NPTX1: variants seen among roughly 807,000 people sequenced by gnomAD.
NPTX1 encodes neuronal pentraxin-1.
NPTX1 carries 12 observed loss-of-function variants against 38.7 expected under a neutral mutation model. That is an observed-to-expected ratio of 0.31 (90% CI 0.20 to 0.50). The LOEUF (loss-of-function observed/expected upper bound fraction) is 0.50, where lower values mean the gene tolerates loss of function less well. Among genes scored for constraint, NPTX1 ranks in the 20% least tolerant of loss-of-function variants. The pLI, the probability that NPTX1 is intolerant of heterozygous loss-of-function variation, is 0.98. For missense variants in NPTX1, 454 were observed against 592.2 expected, an observed-to-expected ratio of 0.77 and a Z score of 2.42; for synonymous variants, 272 against 264.9, an observed-to-expected ratio of 1.03 and a Z score of -0.26.
intron 2 of NPTX1, chr17:80,474,288 T>C (rs1317265861): frequency 1.3e-5 from 2 of 152,188 alleles, no homozygotes; most frequent in African/African-American, 2.4e-5. Context: ...CCCATCTATA[T>C]ACTGTGGCAC....
In NPTX1 at chr17:80,476,303, G is replaced by A. The variant is rs762151679; in HGVS notation, c.144C>T (p.Ala48=). Residue 48 remains alanine (A), a synonymous_variant, in exon 1 of 5, where the codon GCC becomes GCT. Coordinates refer to ENST00000306773, the MANE Select transcript of NPTX1 (RefSeq NM_002522.4). This position sits in a 1 kb window ranked among gnomAD's most constrained non-coding sequence, Gnocchi z 6.3. Reference sequence around the variant, plus strand: ...TGCTCCGGAGCTCCTCGGCGCCGCCGGCGGCCACGGACGCGGCGCACATGT... The same window carrying A: ...TGCTCCGGAGCTCCTCGGCGCCGCCAGCGGCCACGGACGCGGCGCACATGT... ...DADMCAASVA[A]GGAEELRSSV... 2.7e-5 allele frequency: 42 copies of A among 1,555,882 alleles called. No individual in the cohort carries two copies. The Admixed American group carries it at 4.5e-4, about 17-fold the overall frequency.
In NPTX1 at chr17:80,475,588, C is replaced by A; in HGVS notation, c.575G>T (p.Arg192Met). 1 of 1,612,786 alleles carries A rather than the reference C, an allele frequency of 6.2e-7. No homozygotes were observed. Among genetic ancestry groups the A allele is most frequent in the Non-Finnish European group, 8.5e-7 (1 of 1,179,832 alleles). Residue 192 changes from arginine to methionine, a missense_variant, in exon 2 of 5, where the codon AGG (arginine) becomes ATG (methionine). Transcript: ENST00000306773. The surrounding 1 kb of genome is among the most constrained non-coding windows in gnomAD (Gnocchi z 6.5). ...NTLEEGKGGPRNDTEERVKIE... is the reference protein window; with the variant it reads ...NTLEEGKGGPMNDTEERVKIE... The stretch of plus-strand genomic sequence containing the variant: ...CTTGACCCTCTCCTCGGTGTCGTTC[C>A]TGGGGCCCCCCTTGCCCTCCTCCAG...
chr17:80,475,735 CG>C lies in NPTX1; in HGVS notation c.445-18del, dbSNP rs766721349. 7 of 1,580,744 alleles carry C rather than the reference CG, an allele frequency of 4.4e-6. No individual in the cohort carries two copies. The highest frequency in any genetic ancestry group is 2.2e-5 in the East Asian group (1 of 44,582). ...GCTGTACTGCTGCGGGGTGCAAGGG[CG>C]GGGGAAACCACACCGTTAGGCGAGG... On this transcript the variant is annotated intron_variant, in intron 1 of 4. Coordinates refer to ENST00000306773, the MANE Select transcript of NPTX1 (RefSeq NM_002522.4). The surrounding 1 kb of genome is among the most constrained non-coding windows in gnomAD (Gnocchi z 6.5).
At position 80,469,013 on chromosome 17, in the gene NPTX1, T is replaced by C. The variant is rs71389760; in HGVS notation, c.*1800A>G. The C allele has an allele frequency of 0.016, 2,371 of 152,392 alleles. 19 individuals are homozygous for C. Among genetic ancestry groups the C allele is most frequent in the Middle Eastern group, 0.027 (8 of 294 alleles). 9.4% of individuals were successfully genotyped at this position (152,392 alleles called of 1,614,324 possible). On this transcript the variant is annotated 3_prime_UTR_variant, in exon 5 of 5. Transcript: ENST00000306773. ...ACCCCCCTCTGCGGGAGTGATGCAT[T>C]GCAGAACGGCGGCCGGGTACCGTGC... is the stretch of plus-strand genomic sequence containing the variant.
rs1023314050 is a variant in NPTX1, at chr17:80,475,413, C to T, written c.652+98G>A. On this transcript the variant is annotated intron_variant, in intron 2 of 4. Transcript: ENST00000306773. The surrounding 1 kb of genome is among the most constrained non-coding windows in gnomAD (Gnocchi z 6.5). ...TTGGGGGTAGCGGAGCGGCTTGAGG[C>T]TTGCACAGTGCAGAGCTGGGCTGTT... The T allele has an allele frequency of 1.1e-5, 10 of 922,982 alleles. No homozygotes were observed. The Admixed American group carries it at 1.5e-4, about 14-fold the overall frequency. 57.2% of individuals were successfully genotyped at this position (922,982 alleles called of 1,614,324 possible).
chr17:80,470,988 T>G lies in NPTX1; in HGVS notation c.1124A>C (p.Glu375Ala). 1 of 1,612,986 alleles carries G rather than the reference T, an allele frequency of 6.2e-7. No homozygotes were observed. Among genetic ancestry groups the G allele is most frequent in the Middle Eastern group, 1.7e-4 (1 of 6,050 alleles). The change falls in exon 5 of 5, where the codon GAG becomes GCG. Residue 375 changes from glutamate (E) to alanine (A), a missense_variant. This residue lies in a region of NPTX1 where 110 missense variants were observed against 197.5 expected (regional missense o/e 0.56). Transcript: ENST00000306773. ...GFDATQAFVG[E>A]LAHFNIWDRK... ...GTCCCAGATGTTGAAGTGGGCCAGC[T>G]CACCCACAAATGCCTGGGTGGCATC...
intron 3 of NPTX1, among the ~76,000 whole-genome samples, chr17:80,472,320 C>T (rs1028850280): frequency 6.6e-6 from 1 of 151,800 alleles, no homozygotes; most frequent in Non-Finnish European, 1.5e-5. Flanking sequence ...CCTCTCTCTT[C>T]CGATGTCCCA....
Position 80,475,897 on chromosome 17 carries a change from G to A in NPTX1, c.444+106C>T, listed in dbSNP as rs2083878329. ...GAGGCACCGGCCGGGCACCCGCGCG[G>A]CTGAGGCGAGGGCGGGGGATGCCTG... On this transcript the variant is annotated intron_variant, in intron 1 of 4. Coordinates refer to ENST00000306773, the MANE Select transcript of NPTX1 (RefSeq NM_002522.4). The surrounding 1 kb of genome is among the most constrained non-coding windows in gnomAD (Gnocchi z 6.5). 1 of 1,013,902 alleles carries A rather than the reference G, an allele frequency of 9.9e-7. No individual in the cohort carries two copies. Among genetic ancestry groups the A allele is most frequent in the South Asian group, 1.8e-5 (1 of 55,922 alleles). 62.8% of individuals were successfully genotyped at this position (1,013,902 alleles called of 1,614,324 possible). A position where few individuals can be genotyped will look rare whatever the true frequency, so the allele number is the denominator to read the frequency against.
rs201679806 is a variant in NPTX1 at position 80,470,877 on chromosome 17, G to T, written c.1235C>A (p.Ser412Tyr). Residue 412 changes from serine (S) to tyrosine (Y), a missense_variant, in exon 5 of 5, where the codon TCC becomes TAC. Around this residue, in one of 4 missense-constraint regions of NPTX1, gnomAD observed 50 missense variants for 54.0 expected, o/e 0.93. Transcript: ENST00000306773. Reference protein sequence around the residue: ...LSGNVIAWAESHIEIYGGATK... With the variant: ...LSGNVIAWAEYHIEIYGGATK... ...GGCCCCTCCGTAGATCTCGATGTGG[G>T]ATTCAGCCCAGGCGATGACATTGCC... The T allele has an allele frequency of 1.5e-4, 240 of 1,611,050 alleles. No individual in the cohort carries two copies. The East Asian group carries it at 5.2e-3, about 35-fold the overall frequency.
At chr17:80,471,593 C>T in intron 4 of NPTX1, 139 bp downstream of exon 4, 1 of 1,379,070 alleles carries the variant, frequency 7.3e-7, no homozygotes. Flanking sequence ...AGGGCACAGG[C>T]CTTGCCCAGC....
At position 80,475,921 on chromosome 17, in the gene NPTX1, T is replaced by C. The variant is rs1221432378; in HGVS notation, c.444+82A>G. On this transcript the variant is annotated intron_variant, in intron 1 of 4. Transcript: ENST00000306773. The surrounding 1 kb of genome is among the most constrained non-coding windows in gnomAD (Gnocchi z 6.5). ...GGCTGAGGCGAGGGCGGGGGATGCCTGGCCGGGTAGGGAACGGGGTGGGGG... is the reference window on the plus strand; with the variant it reads ...GGCTGAGGCGAGGGCGGGGGATGCCCGGCCGGGTAGGGAACGGGGTGGGGG... The C allele has an allele frequency of 8.8e-7, 1 of 1,135,230 alleles. No homozygotes were observed. The highest frequency in any genetic ancestry group is 1.2e-6 in the Non-Finnish European group (1 of 836,794). 70.3% of individuals were successfully genotyped at this position (1,135,230 alleles called of 1,614,324 possible). A position where few individuals can be genotyped will look rare whatever the true frequency, so the allele number is the denominator to read the frequency against.
chr17:80,467,466 G>C lies in NPTX1; in HGVS notation c.*3347C>G, dbSNP rs1309100149. On this transcript the variant is annotated 3_prime_UTR_variant, in exon 5 of 5. Coordinates refer to ENST00000306773, the MANE Select transcript of NPTX1 (RefSeq NM_002522.4). ...CTTAGTAAGTCAGCTCCAAGACACA[G>C]GTTCACCATAAATGGCCAGTTTTAC... 1.3e-5 allele frequency: 2 copies of C among 152,550 alleles called. No homozygotes were observed. The highest frequency in any genetic ancestry group is 4.8e-5 in the African/African-American group (2 of 41,428). 9.4% of individuals were successfully genotyped at this position (152,550 alleles called of 1,614,324 possible).
rs371437228 is a variant in NPTX1, at chr17:80,470,792, G to A, written c.*21C>T. ...ACAAGCAGGGGGCGAGGGCGGGCGGGCTCAGCCTGGCCTGCCGTGCTCAGT... is the reference window on the plus strand; with the variant it reads ...ACAAGCAGGGGGCGAGGGCGGGCGGACTCAGCCTGGCCTGCCGTGCTCAGT... On this transcript the variant is annotated 3_prime_UTR_variant, in exon 5 of 5. Coordinates refer to ENST00000306773, the MANE Select transcript of NPTX1 (RefSeq NM_002522.4). 11 of 1,528,876 alleles carry A rather than the reference G, an allele frequency of 7.2e-6. No homozygotes were observed. The African/African-American group carries it at 1.4e-4, about 19-fold the overall frequency. The allele number at this position is 1,528,876 out of a possible 1,614,324, so 94.7% of individuals were successfully genotyped here.
At position 80,476,322 on chromosome 17, in the gene NPTX1, C is replaced by A; in HGVS notation, c.125G>T (p.Cys42Phe). 6.5e-7 allele frequency: 1 copy of A among 1,546,452 alleles called. No individual in the cohort carries two copies. Residue 42 changes from cysteine (C) to phenylalanine (F), a missense_variant, in exon 1 of 5, where the codon TGC becomes TTC. Coordinates refer to ENST00000306773, the MANE Select transcript of NPTX1 (RefSeq NM_002522.4). This position sits in a 1 kb window ranked among gnomAD's most constrained non-coding sequence, Gnocchi z 6.3. ...GCCGCCGGCGGCCACGGACGCGGCG[C>A]ACATGTCGGCGTCCACGGGCACCGA... ...CTSVPVDADM[C>F]AASVAAGGAE...
chr17:80,467,600 A>AC lies in NPTX1; in HGVS notation c.*3212dup, dbSNP rs770626106. ...CTCACCCCCTCACTGCCCACAAGAC[A>AC]CCCCCTTGGTCTCAGGTCCCAGGGC... On this transcript the variant is annotated 3_prime_UTR_variant, in exon 5 of 5. Coordinates refer to ENST00000306773, the MANE Select transcript of NPTX1 (RefSeq NM_002522.4). 4.6e-5 allele frequency: 7 copies of AC among 151,940 alleles called. No individual in the cohort carries two copies. Among genetic ancestry groups the AC allele is most frequent in the African/African-American group, 1.7e-4 (7 of 41,222 alleles). The allele number at this position is 151,940 out of a possible 1,614,324, so 9.4% of individuals were successfully genotyped here.
At chr17:80,473,126 T>C (rs1372952771) in intron 3 of NPTX1, 74 bp downstream of exon 3, 19 of 1,511,568 alleles carry the variant, frequency 1.3e-5, no homozygotes, top group Middle Eastern at 2.1e-4. Flanking sequence ...ACCATAGCCC[T>C]GTCTCCGCAT....
Position 80,476,185 on chromosome 17 carries a change from G to T in NPTX1, c.262C>A (p.Arg88Ser). The T allele has an allele frequency of 6.3e-7, 1 of 1,579,806 alleles. No homozygotes were observed. ...TCCAGCGTGCTCTGGCTCTCGCAGC[G>T]GCCCAGCTTGGCGGTCAGCTCGCGG... is the stretch of plus-strand genomic sequence containing the variant. ...TIRELTAKLG[R>S]CESQSTLDPG... The change falls in exon 1 of 5, where the codon CGC becomes AGC. Residue 88 changes from arginine (R) to serine (S), a missense_variant. Arg to Ser is a moderately radical substitution (Grantham distance 110). Transcript: ENST00000306773. The surrounding 1 kb of genome is among the most constrained non-coding windows in gnomAD (Gnocchi z 6.3).
At chr17:80,472,726 T>A (rs1054465054) in intron 3 of NPTX1, among the ~76,000 whole-genome samples, 1 of 152,366 alleles carries the variant, frequency 6.6e-6, no homozygotes, top group Non-Finnish European at 1.5e-5. Flanking sequence ...AAAGGCTGCC[T>A]GTGCTGTCCT....
chr17:80,472,194 G>T (rs2083846051), intron 3 of NPTX1, among the ~76,000 whole-genome samples: 1 of 152,020 alleles, frequency 6.6e-6, no homozygotes, highest in South Asian at 2.1e-4. Flanking sequence ...CTCCCTCTTT[G>T]CTAGTCTACA....
Sources: allele counts gnomAD v4.1 joint callset (sites outside exome capture counted in the v4.1 genomes callset), GRCh38; gene constraint gnomAD v4.1.1; regional missense constraint gnomAD v4.1.1; non-coding constraint Gnocchi (gnomAD v3.1); transcripts MANE v1.5; gene names NCBI Gene and HGNC (gene_info 2026-07-23, HGNC 2026-07-21).